Variants in CD34 observed in about 807,000 individuals in gnomAD.
CD34 encodes the protein CD34 molecule, also known as hematopoietic progenitor cell antigen CD34.
Under a neutral mutation model 40.1 loss-of-function variants are expected in CD34, and 34 were observed. The observed-to-expected ratio is 0.85, with a 90% CI of 0.65 to 1.13. CD34 has a LOEUF of 1.13. Ranked by LOEUF, CD34 falls within the 50% of genes most tolerant of loss-of-function variation. The pLI is 0.00. For synonymous variants in CD34, 209 were observed against 190.0 expected, an observed-to-expected ratio of 1.10 and a Z score of -0.82; for missense variants, 426 against 466.9, an observed-to-expected ratio of 0.91 and a Z score of 0.81.
rs1374903091 is a variant in CD34, at chr1:207,889,630, A to G, written c.598-9T>C. The G allele has an allele frequency of 1.2e-6, 2 of 1,612,038 alleles. No homozygotes were observed. The highest frequency in any genetic ancestry group is 3.4e-5 in the Admixed American group (2 of 59,504). On this transcript the variant is annotated splice_polypyrimidine_tract_variant and intron_variant, in intron 4 of 7. Coordinates refer to ENST00000310833, the MANE Select transcript of CD34 (RefSeq NM_001025109.2). ...TCCTTCTTAAACTCCGCCTGGGAAG[A>G]CAGAGAAACATGGAGAGCAAGAGAT...
At chr1:207,907,917 T>C (rs957678183) in intron 1 of CD34, among the ~76,000 whole-genome samples, 1 of 152,208 alleles carries the variant, frequency 6.6e-6, no homozygotes, top group African/African-American at 2.4e-5. Context: ...CCATACCTTC[T>C]TATTTTTAAT....
At chr1:207,907,569 A>C (rs906459760) in intron 1 of CD34, among the ~76,000 whole-genome samples, 8 of 152,172 alleles carry the variant, frequency 5.3e-5, no homozygotes, top group African/African-American at 1.7e-4. Flanking sequence ...AATAAAGAAG[A>C]AGCCTACTTC....
At chr1:207,906,844 C>CAAAT (rs10687613) in intron 1 of CD34, among the ~76,000 whole-genome samples, 63,165 of 148,450 alleles carry the variant, frequency 0.43, 14,280 homozygotes, top group Admixed American at 0.58. Flanking sequence ...AACTTCTTCT[C>CAAAT]AAATAAATAA....
At chr1:207,910,627 A>AGAGG (rs1662488533) in intron 1 of CD34, among the ~76,000 whole-genome samples, 1 of 152,128 alleles carries the variant, frequency 6.6e-6, no homozygotes. Flanking sequence ...AAGAGCCACA[A>AGAGG]AACTTTTCCT....
At chr1:207,889,405 A>C (rs1354488287) in intron 5 of CD34, 60 bp downstream of exon 5, 47 of 1,558,158 alleles carry the variant, frequency 3.0e-5, no homozygotes, top group Non-Finnish European at 1.7e-5. Flanking sequence ...ATCTCCACCC[A>C]GGATTCTCTA....
At chr1:207,888,572 T>C in intron 7 of CD34, 110 bp downstream of exon 7, 1 of 1,065,072 alleles carries the variant, frequency 9.4e-7, no homozygotes, top group Non-Finnish European at 1.4e-6. Context: ...TTATGTAAGC[T>C]CACAGAAGGG....
At position 207,911,026 on chromosome 1, in the gene CD34, C is replaced by T; in HGVS notation, c.55G>A (p.Ala19Thr). 6.3e-7 allele frequency: 1 copy of T among 1,592,694 alleles called. No homozygotes were observed. The highest frequency in any genetic ancestry group is 8.5e-7 in the Non-Finnish European group (1 of 1,172,728). The change falls in exon 1 of 8, where the codon GCG becomes ACG. Residue 19 changes from alanine to threonine, a missense_variant. Coordinates refer to ENST00000310833, the MANE Select transcript of CD34 (RefSeq NM_001025109.2). ...CGCAGCAAACTCAGCAAGCAAAGCG[C>T]GGTCCAGCCCCGCGGCATCCTGGGC... is the stretch of plus-strand genomic sequence containing the variant. ...AGPRMPRGWT[A>T]LCLLSLLPSG...
intron 1 of CD34, among the ~76,000 whole-genome samples, chr1:207,904,078 G>A (rs895668628): frequency 2.6e-5 from 4 of 152,202 alleles, no homozygotes; most frequent in Non-Finnish European, 5.9e-5. Context: ...AGACTCTTTT[G>A]TTCTTTAAAG....
chr1:207,897,470 G>T, intron 4 of CD34, 23 bp downstream of exon 4: 1 of 1,526,216 alleles, frequency 6.6e-7, no homozygotes, highest in Non-Finnish European at 8.9e-7. Context: ...GGGAGGAAGA[G>T]GTTGGGTGGG....
intron 1 of CD34, among the ~76,000 whole-genome samples, chr1:207,908,294 C>T (rs1258565912): frequency 1.3e-5 from 2 of 152,170 alleles, no homozygotes; most frequent in Admixed American, 6.5e-5. Context: ...TTTTATCAGC[C>T]GAACAGAAAT....
chr1:207,891,452 TG>T (rs1176973664), intron 4 of CD34, among the ~76,000 whole-genome samples: 2 of 151,676 alleles, frequency 1.3e-5, no homozygotes, highest in African/African-American at 4.8e-5. Context: ...GAGGCTGAGG[TG>T]GGAGGATTAC....
intron 4 of CD34, among the ~76,000 whole-genome samples, chr1:207,894,959 C>A (rs1304859003): frequency 6.6e-6 from 1 of 152,144 alleles, no homozygotes; most frequent in South Asian, 2.1e-4. Context: ...TAGACTCATG[C>A]ACATATATTC....
intron 1 of CD34, among the ~76,000 whole-genome samples, chr1:207,909,713 C>T (rs959820143): frequency 1.2e-4 from 19 of 152,202 alleles, no homozygotes; most frequent in Non-Finnish European, 2.5e-4. Context: ...GGCCGACTCA[C>T]TCCTGTTATG....
At chr1:207,888,031 A>T in intron 7 of CD34, 108 bp from the exon 8 acceptor site, 15 of 273,568 alleles carry the variant, frequency 5.5e-5, no homozygotes, top group Non-Finnish European at 7.4e-5. Flanking sequence ...GAGAAGGGGG[A>T]GGGGGAGGTG....
chr1:207,910,962 C>T, intron 1 of CD34, 40 bp downstream of exon 1: 1 of 1,541,408 alleles, frequency 6.5e-7, no homozygotes, highest in Non-Finnish European at 8.8e-7. Flanking sequence ...ACCCTCCCCG[C>T]GGCGAAGCCA....
At chr1:207,888,142 A>T (rs1195402052) in intron 7 of CD34, 1 of 1,613,494 alleles carries the variant, frequency 6.2e-7, no homozygotes, top group African/African-American at 1.3e-5. Context: ...GACATAGGAG[A>T]GGCACCACAC....
chr1:207,890,885 G>A (rs772175613), intron 4 of CD34, among the ~76,000 whole-genome samples: 3 of 152,154 alleles, frequency 2.0e-5, no homozygotes, highest in Non-Finnish European at 4.4e-5. Flanking sequence ...TTGGATAGAC[G>A]TTCTAACTCT....
In CD34 at chr1:207,887,277, A is replaced by G. The variant is rs1010335508; in HGVS notation, c.*461T>C. The G allele has an allele frequency of 2.4e-5, 4 of 163,784 alleles. No individual in the cohort carries two copies. The highest frequency in any genetic ancestry group is 1.7e-4 in the South Asian group (1 of 5,824). The allele number at this position is 163,784 out of a possible 1,614,324, so 10.1% of individuals were successfully genotyped here. Reference sequence around the variant, plus strand: ...TATATCATTACAAGAGAGCAGGTGCAAAAGGTTACTTTGGTTTCCTCAAAG... The same window carrying G: ...TATATCATTACAAGAGAGCAGGTGCGAAAGGTTACTTTGGTTTCCTCAAAG... On this transcript the variant is annotated 3_prime_UTR_variant, in exon 8 of 8. Coordinates refer to ENST00000310833, the MANE Select transcript of CD34 (RefSeq NM_001025109.2).
chr1:207,889,763 A>AT, intron 4 of CD34, 142 bp from the exon 5 acceptor site: 1 of 1,586,816 alleles, frequency 6.3e-7, no homozygotes, highest in Non-Finnish European at 8.5e-7. Flanking sequence ...CAGAAAAAAA[A>AT]AAAACTGCTA....
Sources: allele counts gnomAD v4.1 joint callset (sites outside exome capture counted in the v4.1 genomes callset), GRCh38; gene constraint gnomAD v4.1.1; transcripts MANE v1.5; gene names NCBI Gene and HGNC (gene_info 2026-07-23, HGNC 2026-07-21).